Variants in OR7E24 observed in about 807,000 individuals in gnomAD.
OR7E24 encodes the protein olfactory receptor family 7 subfamily E member 24, also known as olfactory receptor 7E24.
For missense variants in OR7E24, 385 were observed against 410.3 expected (o/e 0.94, Z 0.53); for synonymous variants, 130 against 157.5 (o/e 0.83, Z 1.31).
the OR7E24 span, among the ~76,000 whole-genome samples, chr19:9,237,295 T>A: frequency 8.6e-5 from 13 of 151,660 alleles, no homozygotes; most frequent in East Asian, 3.9e-4. Context: ...TAGGTTTTTT[T>A]AAAATTTATT....
At chr19:9,222,429 G>A in the OR7E24 span, among the ~76,000 whole-genome samples, 1 of 152,124 alleles carries the variant, frequency 6.6e-6, no homozygotes, top group Admixed American at 6.5e-5. Flanking sequence ...TCCAGTTCAT[G>A]AACATGGGAT....
At chr19:9,213,618 A>G in the OR7E24 span, 1 of 368,536 alleles carries the variant, frequency 2.7e-6, no homozygotes, top group Non-Finnish European at 5.0e-6. Flanking sequence ...CACACCTGTA[A>G]TCTCAGCTAC....
At position 9,251,859 on chromosome 19, in the gene OR7E24, A is replaced by G. The variant is rs548186005; in HGVS notation, c.816A>G (p.Thr272=). Residue 272 remains threonine (T), a synonymous_variant, in exon 1 of 1, where the codon ACA becomes ACG. Transcript: ENST00000456448. ...HLAVVCLFYG[T]GLVGYLSSAV... is the part of the protein sequence containing the mutation. ...CAGTTGTTTGCTTATTTTATGGAAC[A>G]GGGCTTGTAGGGTACCTCAGTTCAG... 1.1e-5 allele frequency: 18 copies of G among 1,614,162 alleles called. No homozygotes were observed. In the East Asian group the frequency reaches 4.0e-4, roughly 36 times the overall value.
chr19:9,248,651 C>A (rs948210270), upstream of OR7E24, among the ~76,000 whole-genome samples: 1 of 152,204 alleles, frequency 6.6e-6, no homozygotes, highest in South Asian at 2.1e-4. Flanking sequence ...CCAGAAAGAA[C>A]TGGCACAGGA....
the OR7E24 span, chr19:9,235,936 A>G: frequency 6.2e-7 from 1 of 1,609,118 alleles, no homozygotes; most frequent in African/African-American, 1.3e-5. Context: ...TTCTGCTGTG[A>G]CCCATTCTTC....
Position 9,250,988 on chromosome 19 carries a change from A to G in OR7E24, c.-56A>G. On this transcript the variant is annotated 5_prime_UTR_variant, in exon 1 of 1. Transcript: ENST00000456448. Reference sequence around the variant, plus strand: ...GTGTATAATCCTATGTGAAAACTTAATTTCTTAATTGCTTGTATCCAAAAT... The same window carrying G: ...GTGTATAATCCTATGTGAAAACTTAGTTTCTTAATTGCTTGTATCCAAAAT... 1 of 1,330,382 alleles carries G rather than the reference A, an allele frequency of 7.5e-7. No homozygotes were observed. Among genetic ancestry groups the G allele is most frequent in the Non-Finnish European group, 1.0e-6 (1 of 982,706 alleles). The allele number at this position is 1,330,382 out of a possible 1,614,324, so 82.4% of individuals were successfully genotyped here.
At chr19:9,218,602 A>G in the OR7E24 span, among the ~76,000 whole-genome samples, 20 of 152,250 alleles carry the variant, frequency 1.3e-4, no homozygotes, top group South Asian at 3.9e-3. Context: ...TACAATTTCA[A>G]TCTTTTGATA....
At chr19:9,230,035 G>A in the OR7E24 span, among the ~76,000 whole-genome samples, 1 of 142,654 alleles carries the variant, frequency 7.0e-6, no homozygotes, top group Non-Finnish European at 1.5e-5. Flanking sequence ...CTATGAAGCT[G>A]AAGTTCCTGT....
Position 9,250,999 on chromosome 19 carries a change from G to C in OR7E24, c.-45G>C. ...TATGTGAAAACTTAATTTCTTAATT[G>C]CTTGTATCCAAAATATAGACACAGT... On this transcript the variant is annotated 5_prime_UTR_variant, in exon 1 of 1. Transcript: ENST00000456448. 7.2e-7 allele frequency: 1 copy of C among 1,389,832 alleles called. No individual in the cohort carries two copies. Among genetic ancestry groups the C allele is most frequent in the Non-Finnish European group, 9.7e-7 (1 of 1,033,972 alleles). 86.1% of individuals were successfully genotyped at this position (1,389,832 alleles called of 1,614,324 possible).
the OR7E24 span, among the ~76,000 whole-genome samples, chr19:9,227,713 T>C: frequency 6.6e-6 from 1 of 151,720 alleles, no homozygotes; most frequent in Non-Finnish European, 1.5e-5. Flanking sequence ...TCTGGGTATA[T>C]ACCCAGTAAT....
At chr19:9,216,383 C>G in the OR7E24 span, among the ~76,000 whole-genome samples, 1 of 152,142 alleles carries the variant, frequency 6.6e-6, no homozygotes, top group Non-Finnish European at 1.5e-5. Flanking sequence ...CACAGCCAAA[C>G]TATGTGAATC....
At chr19:9,211,150 A>C in the OR7E24 span, 1 of 152,350 alleles carries the variant, frequency 6.6e-6, no homozygotes, top group Non-Finnish European at 1.5e-5. Context: ...CTCAGCTGGC[A>C]TATGTGAGCT....
the OR7E24 span, among the ~76,000 whole-genome samples, chr19:9,241,368 T>A: frequency 6.6e-6 from 1 of 152,322 alleles, no homozygotes; most frequent in South Asian, 2.1e-4. Flanking sequence ...AGAGCCCTGC[T>A]CATGAACATT....
At chr19:9,223,733 TC>T in the OR7E24 span, among the ~76,000 whole-genome samples, 17 of 131,880 alleles carry the variant, frequency 1.3e-4, no homozygotes, top group African/African-American at 5.0e-4. Context: ...ATTTTTCTCT[TC>T]TTTTTTTTTT....
At chr19:9,232,458 A>G in the OR7E24 span, among the ~76,000 whole-genome samples, 2 of 150,134 alleles carry the variant, frequency 1.3e-5, no homozygotes, top group Admixed American at 1.3e-4. Flanking sequence ...GAATCACTTG[A>G]ACCTGGGAGG....
At chr19:9,235,746 G>A in the OR7E24 span, 1 of 1,606,800 alleles carries the variant, frequency 6.2e-7, no homozygotes, top group Non-Finnish European at 8.5e-7. Flanking sequence ...TCTTGTATGT[G>A]GCCATGGCAC....
At chr19:9,214,693 C>T in the OR7E24 span, 62 of 1,613,870 alleles carry the variant, frequency 3.8e-5, 1 homozygote, top group African/African-American at 2.0e-4. Flanking sequence ...TCAGAGCTGA[C>T]GGCCAGAATG....
chr19:9,214,272 C>A, the OR7E24 span: 1 of 1,614,146 alleles, frequency 6.2e-7, no homozygotes, highest in Middle Eastern at 1.6e-4. Flanking sequence ...GGTGTTAGAG[C>A]AGGCCACCTT....
In OR7E24 at chr19:9,252,117, A is replaced by T. The variant is rs557329194; in HGVS notation, c.*54A>T. 34 of 1,489,292 alleles carry T rather than the reference A, an allele frequency of 2.3e-5. No individual in the cohort carries two copies. In the Admixed American group the frequency reaches 5.0e-4, roughly 22 times the overall value. The allele number at this position is 1,489,292 out of a possible 1,614,324, so 92.3% of individuals were successfully genotyped here. On this transcript the variant is annotated 3_prime_UTR_variant, in exon 1 of 1. Coordinates refer to ENST00000456448, the MANE Select transcript of OR7E24 (RefSeq NM_001079935.2). ...CTGCAAATTCTGCCTCCTTGGTCAC[A>T]TTATTTTGGTTGCTTGATGGCTTTC...
Sources: allele counts gnomAD v4.1 joint callset (sites outside exome capture counted in the v4.1 genomes callset), GRCh38; gene constraint gnomAD v4.1.1; transcripts MANE v1.5; gene names NCBI Gene and HGNC (gene_info 2026-07-23, HGNC 2026-07-21).